SEC22C: variants seen among roughly 807,000 people sequenced by gnomAD.
SEC22C encodes the protein SEC22 homolog C, vesicle trafficking protein.
A neutral mutation model predicts 34.7 loss-of-function variants in SEC22C; 29 were observed. That is an observed-to-expected ratio of 0.84 (90% CI 0.62 to 1.14). The LOEUF (loss-of-function observed/expected upper bound fraction) is 1.14, where lower values mean the gene tolerates loss of function less well. Among genes scored for constraint, SEC22C ranks in the 50% most tolerant of loss-of-function variants. SEC22C has a pLI of 0.00. For synonymous variants in SEC22C, 117 were observed against 132.8 expected, an observed-to-expected ratio of 0.88 and a Z score of 0.82; for missense variants, 337 against 369.0, an observed-to-expected ratio of 0.91 and a Z score of 0.71.
Position 42,598,824 on chromosome 3 carries a change from A to C in SEC22C, c.-28+2136T>G, listed in dbSNP as rs138246973. On this transcript the variant is annotated intron_variant, in intron 1 of 6. Transcript: ENST00000417572. ...TTCTGTGGACGGATGGGAGGTACTG[A>C]GGGTTGTACAACCGTGTGAAATACA... is the stretch of plus-strand genomic sequence containing the variant. 9.5e-3 allele frequency among the ~76,000 whole-genome samples: 1,444 copies of C among 151,426 alleles called. 14 individuals carry two copies. The highest frequency in any genetic ancestry group is 0.014 in the Non-Finnish European group (973 of 67,696).
At chr3:42,556,166 G>A (rs536144190) in intron 5 of SEC22C, among the ~76,000 whole-genome samples, 171 bp from the exon 6 acceptor site, 13 of 152,344 alleles carry the variant, frequency 8.5e-5, no homozygotes, top group African/African-American at 1.9e-4. Flanking sequence ...GCATACAATC[G>A]TTTTCAACAG....
At position 42,561,204 on chromosome 3, in the gene SEC22C, A is replaced by G; in HGVS notation, c.439T>C (p.Leu147=). 6.2e-7 allele frequency: 1 copy of G among 1,614,150 alleles called. No individual in the cohort carries two copies. The highest frequency in any genetic ancestry group is 8.5e-7 in the Non-Finnish European group (1 of 1,180,036). Residue 147 remains leucine (L), a synonymous_variant, in exon 4 of 7, where the codon TTG becomes CTG. Coordinates refer to ENST00000264454, the MANE Select transcript of SEC22C (RefSeq NM_032970.4). ...SLEKIQEELK[L]QPPAVLTLED... ...AGAGTGAGAACCGCTGGAGGCTGCA[A>G]CTTGAGCTCCTCCTGAATTTTTTCC...
At chr3:42,597,480 C>T (rs1012878428) in intron 1 of SEC22C, among the ~76,000 whole-genome samples, 6 of 151,422 alleles carry the variant, frequency 4.0e-5, no homozygotes, top group East Asian at 3.9e-4. Flanking sequence ...CGCTTGATCT[C>T]AGGAGGCAGA....
intron 4 of SEC22C, among the ~76,000 whole-genome samples, chr3:42,560,789 C>T (rs1178928953): frequency 6.6e-6 from 1 of 152,006 alleles, no homozygotes; most frequent in African/African-American, 2.4e-5. Context: ...CAGGCACGAG[C>T]CACCACCTCT....
chr3:42,556,095 C>A (rs887947630), intron 5 of SEC22C, 100 bp from the exon 6 acceptor site: 32 of 874,968 alleles, frequency 3.7e-5, no homozygotes, highest in Non-Finnish European at 4.9e-5. Context: ...GTATGGTTGA[C>A]AGTACAAAAT....
chr3:42,550,627 C>G lies in SEC22C; in HGVS notation c.*2621G>C. On this transcript the variant is annotated 3_prime_UTR_variant, in exon 7 of 7. Transcript: ENST00000264454. Reference sequence around the variant, plus strand: ...CTTTTGTTTGCAAAAGTCAATCTCACCCCATGTAGATGTTAACTGATATCC... The same window carrying G: ...CTTTTGTTTGCAAAAGTCAATCTCAGCCCATGTAGATGTTAACTGATATCC... 1 of 985,208 alleles carries G rather than the reference C, an allele frequency of 1.0e-6. No homozygotes were observed. Among genetic ancestry groups the G allele is most frequent in the Non-Finnish European group, 1.2e-6 (1 of 829,906 alleles). 61.0% of individuals were successfully genotyped at this position (985,208 alleles called of 1,614,324 possible).
chr3:42,552,403 C>T lies in SEC22C; in HGVS notation c.*845G>A. On this transcript the variant is annotated 3_prime_UTR_variant, in exon 7 of 7. Transcript: ENST00000264454. ...GCGGATCTGTAAAGTGCCACTGAAT[C>T]CATGTTCATTCACCTACTCCAGGTT... The T allele has an allele frequency of 2.0e-6, 2 of 985,422 alleles. No homozygotes were observed. The highest frequency in any genetic ancestry group is 2.4e-6 in the Non-Finnish European group (2 of 829,934). The allele number at this position is 985,422 out of a possible 1,614,324, so 61.0% of individuals were successfully genotyped here. A position where few individuals can be genotyped will look rare whatever the true frequency, so the allele number is the denominator to read the frequency against.
chr3:42,574,236 A>C (rs1489612514), intron 1 of SEC22C, among the ~76,000 whole-genome samples: 1 of 152,042 alleles, frequency 6.6e-6, no homozygotes, highest in Non-Finnish European at 1.5e-5. Flanking sequence ...GCCAACCCAG[A>C]ATCCTGTATT....
chr3:42,591,015 C>T (rs1280984248), intron 1 of SEC22C: 3 of 1,547,832 alleles, frequency 1.9e-6, no homozygotes, highest in Non-Finnish European at 2.6e-6. Context: ...GTCGGGATCC[C>T]GAGGGGCTGC....
intron 1 of SEC22C, among the ~76,000 whole-genome samples, chr3:42,577,485 T>C (rs781453875): frequency 3.3e-5 from 5 of 152,132 alleles, no homozygotes; most frequent in Non-Finnish European, 7.4e-5. Flanking sequence ...ACAAAGAGGA[T>C]ATATGGATGG....
At chr3:42,589,915 A>C (rs1250795845) in intron 1 of SEC22C, among the ~76,000 whole-genome samples, 2 of 152,182 alleles carry the variant, frequency 1.3e-5, no homozygotes, top group Admixed American at 6.5e-5. Context: ...TCCTCCTTGC[A>C]TCTTGCGGCA....
At position 42,552,993 on chromosome 3, in the gene SEC22C, C is replaced by T. The variant is rs1169147654; in HGVS notation, c.*255G>A. On this transcript the variant is annotated 3_prime_UTR_variant, in exon 7 of 7. Transcript: ENST00000264454. ...CAATAAAGCTCTTTCTGGATGAGCC[C>T]CCAGATCCAGCTGTCCTAGGTAAAC... The T allele has an allele frequency of 7.8e-7, 1 of 1,284,842 alleles. No individual in the cohort carries two copies. Among genetic ancestry groups the T allele is most frequent in the South Asian group, 2.1e-5 (1 of 47,394 alleles). The allele number at this position is 1,284,842 out of a possible 1,614,324, so 79.6% of individuals were successfully genotyped here.
At chr3:42,591,127 C>G in intron 1 of SEC22C, 1 of 744,246 alleles carries the variant, frequency 1.3e-6, no homozygotes, top group Non-Finnish European at 2.3e-6. Flanking sequence ...TCAGCACAGG[C>G]GCCGGGGCAG....
intron 5 of SEC22C, 93 bp from the exon 6 acceptor site, chr3:42,556,088 T>G: frequency 1.1e-6 from 1 of 923,092 alleles, no homozygotes; most frequent in Admixed American, 2.4e-5. Context: ...CTGTCTGGTA[T>G]GGTTGACAGT....
chr3:42,552,401 A>T lies in SEC22C; in HGVS notation c.*847T>A, dbSNP rs1702297223. 1.0e-6 allele frequency: 1 copy of T among 985,320 alleles called. No individual in the cohort carries two copies. Among genetic ancestry groups the T allele is most frequent in the African/African-American group, 1.7e-5 (1 of 57,242 alleles). 61.0% of individuals were successfully genotyped at this position (985,320 alleles called of 1,614,324 possible). A position where few individuals can be genotyped will look rare whatever the true frequency, so the allele number is the denominator to read the frequency against. On this transcript the variant is annotated 3_prime_UTR_variant, in exon 7 of 7. Transcript: ENST00000264454. The stretch of plus-strand genomic sequence containing the variant: ...AAGCGGATCTGTAAAGTGCCACTGA[A>T]TCCATGTTCATTCACCTACTCCAGG...
chr3:42,571,801 C>A (rs1244180793), intron 1 of SEC22C, among the ~76,000 whole-genome samples: 1 of 152,176 alleles, frequency 6.6e-6, no homozygotes, highest in Non-Finnish European at 1.5e-5. Context: ...ATACCCTGGA[C>A]ATTATATATA....
chr3:42,575,540 T>C (rs887218053), intron 1 of SEC22C, among the ~76,000 whole-genome samples: 5 of 152,224 alleles, frequency 3.3e-5, no homozygotes, highest in African/African-American at 1.2e-4. Flanking sequence ...GGATATTACA[T>C]AATGATAAAA....
intron 1 of SEC22C, among the ~76,000 whole-genome samples, chr3:42,575,156 A>G (rs1366312477): frequency 6.6e-6 from 1 of 152,208 alleles, no homozygotes; most frequent in Non-Finnish European, 1.5e-5. Flanking sequence ...CCTAAAATGT[A>G]ATTATTTTAA....
At chr3:42,573,781 T>C (rs1223068079) in intron 1 of SEC22C, among the ~76,000 whole-genome samples, 1 of 152,064 alleles carries the variant, frequency 6.6e-6, no homozygotes, top group Non-Finnish European at 1.5e-5. Flanking sequence ...AGACAGAACA[T>C]AGAAATTACT....
Sources: allele counts gnomAD v4.1 joint callset (sites outside exome capture counted in the v4.1 genomes callset), GRCh38; gene constraint gnomAD v4.1.1; transcripts MANE v1.5; gene names NCBI Gene and HGNC (gene_info 2026-07-23, HGNC 2026-07-21).